The following GRM7 variants were observed in gnomAD, a reference collection of about 807,000 sequenced individuals.
GRM7 encodes glutamate metabotropic receptor 7.
GRM7 carries 35 observed loss-of-function variants against 84.5 expected under a neutral mutation model. That is an observed-to-expected ratio of 0.41 (90% confidence interval 0.32 to 0.55). The LOEUF (loss-of-function observed/expected upper bound fraction) is 0.55. GRM7 is among the 20% of genes least tolerant of loss of function. GRM7 has a pLI of 0.19. For synonymous variants in GRM7, 487 were observed against 455.1 expected (o/e 1.07, Z -0.89); for missense variants, 1,003 against 1,194.6 (o/e 0.84, Z 2.36).
At chr3:7,667,725 CT>C (rs1356339453) in intron 8 of GRM7, among the ~76,000 whole-genome samples, 2 of 151,874 alleles carry the variant, frequency 1.3e-5, no homozygotes, top group African/African-American at 4.8e-5. Flanking sequence ...TTGTAGATCA[CT>C]TTTATACTAT....
chr3:7,352,132 T>A (rs1693189716), intron 4 of GRM7, among the ~76,000 whole-genome samples: 1 of 149,966 alleles, frequency 6.7e-6, no homozygotes. Flanking sequence ...TGGAGAACCC[T>A]GACTAATATT....
intron 4 of GRM7, among the ~76,000 whole-genome samples, chr3:7,375,753 A>G (rs1694325163): frequency 1.3e-5 from 2 of 152,108 alleles, no homozygotes; most frequent in African/African-American, 4.8e-5. Context: ...TTCTAGGTTC[A>G]TCCTCCTCTA....
At chr3:7,319,483 C>G (rs1700695849) in intron 4 of GRM7, among the ~76,000 whole-genome samples, 1 of 151,994 alleles carries the variant, frequency 6.6e-6, no homozygotes, top group African/African-American at 2.4e-5. Flanking sequence ...TTCTTGAGAC[C>G]TGTAGCCTTT....
intron 7 of GRM7, among the ~76,000 whole-genome samples, chr3:7,505,695 C>T (rs1700019893): frequency 6.6e-6 from 1 of 152,174 alleles, no homozygotes; most frequent in Admixed American, 6.5e-5. Context: ...GCACTGGGAC[C>T]ATTTGAGCCA....
chr3:7,225,140 A>C (rs2124885121), intron 2 of GRM7, among the ~76,000 whole-genome samples: 1 of 152,134 alleles, frequency 6.6e-6, no homozygotes, highest in African/African-American at 2.4e-5. Flanking sequence ...TCTTACTTTT[A>C]ATATCTCCTG....
chr3:7,007,391 A>G (rs1695218778), intron 1 of GRM7, among the ~76,000 whole-genome samples: 1 of 152,102 alleles, frequency 6.6e-6, no homozygotes, highest in Admixed American at 6.5e-5. Flanking sequence ...CTTCCCTATA[A>G]CTCTCCTGTA....
intron 7 of GRM7, among the ~76,000 whole-genome samples, chr3:7,534,567 A>T (rs1239542027): frequency 1.3e-5 from 2 of 152,210 alleles, no homozygotes; most frequent in Non-Finnish European, 2.9e-5. Context: ...TAACATTTCC[A>T]AGGCCCCACC....
intron 1 of GRM7, among the ~76,000 whole-genome samples, chr3:7,049,161 T>G (rs1264359175): frequency 6.6e-6 from 1 of 152,014 alleles, no homozygotes; most frequent in Non-Finnish European, 1.5e-5. Context: ...ATGCTCTCAT[T>G]GAAATAAATG....
At chr3:7,738,157 T>C (rs1241041524) in intron 9 of GRM7, among the ~76,000 whole-genome samples, 1 of 152,074 alleles carries the variant, frequency 6.6e-6, no homozygotes, top group African/African-American at 2.4e-5. Flanking sequence ...CCTCTCCCAA[T>C]TTTACAAAGG....
intron 2 of GRM7, among the ~76,000 whole-genome samples, chr3:7,205,514 GC>G (rs1696206713): frequency 6.6e-6 from 1 of 152,146 alleles, no homozygotes; most frequent in South Asian, 2.1e-4. Flanking sequence ...ATTAGGCTGT[GC>G]CATTTTTGTT....
chr3:7,719,913 G>C (rs186898540), intron 9 of GRM7, among the ~76,000 whole-genome samples: 14 of 151,950 alleles, frequency 9.2e-5, no homozygotes, highest in African/African-American at 3.1e-4. Context: ...GAATTTCATT[G>C]TCTCATACAG....
At chr3:7,029,098 G>A (rs113958736) in intron 1 of GRM7, among the ~76,000 whole-genome samples, 4,450 of 152,216 alleles carry the variant, frequency 0.029, 235 homozygotes, top group African/African-American at 0.1. Context: ...GAGGTCAGGA[G>A]TTCAAGACCA....
chr3:7,062,113 T>TA (rs1212764257), intron 1 of GRM7, among the ~76,000 whole-genome samples: 1 of 151,566 alleles, frequency 6.6e-6, no homozygotes, highest in African/African-American at 2.4e-5. Flanking sequence ...TAGAAACTGT[T>TA]AAAAAAATTT....
intron 1 of GRM7, among the ~76,000 whole-genome samples, chr3:7,125,927 A>G (rs1227328313): frequency 2.0e-5 from 3 of 152,204 alleles, no homozygotes; most frequent in Non-Finnish European, 4.4e-5. Flanking sequence ...GCTTCTGTTG[A>G]TAGAAATGGG....
intron 8 of GRM7, among the ~76,000 whole-genome samples, chr3:7,579,676 T>G (rs2125053780): frequency 6.6e-6 from 1 of 152,202 alleles, no homozygotes; most frequent in East Asian, 1.9e-4. Context: ...TTCCTCAACT[T>G]CTCCACTTAC....
chr3:7,381,278 A>C (rs893483280), intron 4 of GRM7, among the ~76,000 whole-genome samples: 1 of 152,186 alleles, frequency 6.6e-6, no homozygotes, highest in Non-Finnish European at 1.5e-5. Flanking sequence ...ACAAAAATCC[A>C]GGCTTTTCTA....
chr3:7,592,686 A>C (rs1386830198), intron 8 of GRM7, among the ~76,000 whole-genome samples: 2 of 152,222 alleles, frequency 1.3e-5, no homozygotes, highest in African/African-American at 4.8e-5. Flanking sequence ...AGTGTCTGCT[A>C]CCTGACAAGT....
chr3:7,022,001 T>C (rs888588498), intron 1 of GRM7, among the ~76,000 whole-genome samples: 3 of 152,068 alleles, frequency 2.0e-5, no homozygotes, highest in East Asian at 1.9e-4. Flanking sequence ...AAATATGATA[T>C]AAAAGAAGAC....
chr3:7,405,576 TAG>T (rs1211681618), intron 4 of GRM7, among the ~76,000 whole-genome samples: 4 of 152,168 alleles, frequency 2.6e-5, no homozygotes, highest in African/African-American at 4.8e-5. Context: ...TTATAAATAA[TAG>T]ATTTATAGAT....
Sources: allele counts gnomAD v4.1 joint callset (sites outside exome capture counted in the v4.1 genomes callset), GRCh38; gene constraint gnomAD v4.1.1; transcripts MANE v1.5; gene names NCBI Gene and HGNC (gene_info 2026-07-23, HGNC 2026-07-21).